The following CCDC17 variants were observed in gnomAD, a reference collection of about 807,000 sequenced individuals.
The protein encoded by CCDC17 is coiled-coil domain containing 17.
CCDC17 carries 79 observed loss-of-function variants against 68.0 expected under a neutral mutation model. The observed-to-expected ratio is 1.16, with a 90% CI of 0.97 to 1.40. CCDC17 has a LOEUF of 1.40. Among genes scored for constraint, CCDC17 ranks in the 40% most tolerant of loss-of-function variants. The pLI, the probability that CCDC17 is intolerant of heterozygous loss-of-function variation, is 0.00. For missense variants in CCDC17, 846 were observed against 811.5 expected, an observed-to-expected ratio of 1.04 and a Z score of -0.52; for synonymous variants, 376 against 337.5, an observed-to-expected ratio of 1.11 and a Z score of -1.25.
In CCDC17 at chr1:45,621,994, C is replaced by T; in HGVS notation, c.969G>A (p.Gly323=). The change falls in exon 8 of 13, where the codon GGG becomes GGA. Residue 323 remains glycine, a splice_region_variant and synonymous_variant. Coordinates refer to ENST00000528266, the MANE Select transcript of CCDC17 (RefSeq NM_001114938.3). Reference sequence around the variant, plus strand: ...CCCCCAGGAGTCGCAGATCCTGGGGCCCTAGGAGCAGAAGAGTTAGGGTGC... The same window carrying T: ...CCCCCAGGAGTCGCAGATCCTGGGGTCCTAGGAGCAGAAGAGTTAGGGTGC... ...LQMQRGRAPL[G]PQDLRLLGDA... 1 of 1,603,014 alleles carries T rather than the reference C, an allele frequency of 6.2e-7. No individual in the cohort carries two copies. Among genetic ancestry groups the T allele is most frequent in the Non-Finnish European group, 8.5e-7 (1 of 1,175,338 alleles).
Position 45,623,842 on chromosome 1 carries a change from G to T in CCDC17, c.68C>A (p.Ser23Ter), listed in dbSNP as rs1330952704. The T allele has an allele frequency of 1.3e-6, 2 of 1,551,076 alleles. No homozygotes were observed. Residue 23 changes from serine to a stop codon, truncating the protein, a stop_gained, in exon 1 of 13, where the codon TCA becomes TAA. Transcript: ENST00000528266. LOFTEE classifies it high-confidence loss of function. The part of the protein sequence containing the change: ...CGTCDMVFRS[S>*]ALLATHTQRF... ...CTGAGTATGGGTGGCTAACAGAGCTGAGGAGCGGAAAACCATGTCACAGGT... is the reference window on the plus strand; with the variant it reads ...CTGAGTATGGGTGGCTAACAGAGCTTAGGAGCGGAAAACCATGTCACAGGT...
chr1:45,621,008 TAGTC>T lies in CCDC17; in HGVS notation c.1490_1493del (p.Gly497AspfsTer9). 6.2e-7 allele frequency: 1 copy of T among 1,613,888 alleles called. No homozygotes were observed. Among genetic ancestry groups the T allele is most frequent in the South Asian group, 1.1e-5 (1 of 91,060 alleles). On this transcript the variant is annotated frameshift_variant, in exon 11 of 13. Transcript: ENST00000528266. LOFTEE classifies it high-confidence loss of function. ...TTAGCACCCGCTGATCTTGGTCAAA[TAGTC>T]CAAGTGAGACCCAAGCCTTTGGCTG...
Position 45,623,932 on chromosome 1 carries a change from A to G in CCDC17, c.-23T>C. 6.9e-7 allele frequency: 1 copy of G among 1,451,122 alleles called. No individual in the cohort carries two copies. The highest frequency in any genetic ancestry group is 9.2e-7 in the Non-Finnish European group (1 of 1,088,590). 89.9% of individuals were successfully genotyped at this position (1,451,122 alleles called of 1,614,324 possible). A position where few individuals can be genotyped will look rare whatever the true frequency, so the allele number is the denominator to read the frequency against. ...CATGGGATGGGACCCGTTTCCTGAA[A>G]CCAGCCAAGACCTGCAGAAGGGATC... On this transcript the variant is annotated 5_prime_UTR_variant, in exon 1 of 13. Transcript: ENST00000528266.
At position 45,620,161 on chromosome 1, in the gene CCDC17, A is replaced by T. The variant is rs985504711; in HGVS notation, c.*114T>A. ...GGTTGGAACTGGTTTTCTGTACTCAACTGCTAGATGCTTCTAGACCCAATG... is the reference window on the plus strand; with the variant it reads ...GGTTGGAACTGGTTTTCTGTACTCATCTGCTAGATGCTTCTAGACCCAATG... On this transcript the variant is annotated 3_prime_UTR_variant, in exon 13 of 13. Coordinates refer to ENST00000528266, the MANE Select transcript of CCDC17 (RefSeq NM_001114938.3). 8.1e-7 allele frequency: 1 copy of T among 1,235,530 alleles called. No homozygotes were observed. The highest frequency in any genetic ancestry group is 2.8e-5 in the East Asian group (1 of 35,932). 76.5% of individuals were successfully genotyped at this position (1,235,530 alleles called of 1,614,324 possible).
intron 6 of CCDC17, 60 bp from the exon 7 acceptor site, chr1:45,622,408 G>A (rs1644299021): frequency 6.6e-7 from 1 of 1,523,518 alleles, no homozygotes; most frequent in Non-Finnish European, 8.9e-7. Context: ...GCGTCCGGCT[G>A]TGAGCAGCTC....
chr1:45,621,192 C>T, intron 10 of CCDC17, 79 bp from the exon 11 acceptor site: 2 of 1,558,488 alleles, frequency 1.3e-6, no homozygotes, highest in South Asian at 2.3e-5. Context: ...GAGCCAGCGG[C>T]CTCTGTATAC....
chr1:45,622,069 A>T, intron 7 of CCDC17, 74 bp from the exon 8 acceptor site: 1 of 1,458,120 alleles, frequency 6.9e-7, no homozygotes. Flanking sequence ...CTCCCCCAAG[A>T]GTTGGGCCCA....
In CCDC17 at chr1:45,622,841, T is replaced by C; in HGVS notation, c.657-7A>G. ...CCGGGAGCTCAGCGGGTTCCTGGGGTGGCAGGCGACGCGCAGGGAGACGGT... is the reference window on the plus strand; with the variant it reads ...CCGGGAGCTCAGCGGGTTCCTGGGGCGGCAGGCGACGCGCAGGGAGACGGT... On this transcript the variant is annotated splice_region_variant and splice_polypyrimidine_tract_variant and intron_variant, in intron 4 of 12. Transcript: ENST00000528266. 6.3e-7 allele frequency: 1 copy of C among 1,593,672 alleles called. No homozygotes were observed. The highest frequency in any genetic ancestry group is 1.1e-5 in the South Asian group (1 of 87,874).
rs375692959 is a variant in CCDC17, at chr1:45,622,938, G to A, written c.656+17C>T. The A allele has an allele frequency of 1.2e-5, 19 of 1,562,086 alleles. No individual in the cohort carries two copies. The highest frequency in any genetic ancestry group is 1.7e-5 in the Non-Finnish European group (19 of 1,145,892). On this transcript the variant is annotated intron_variant, in intron 4 of 12. Coordinates refer to ENST00000528266, the MANE Select transcript of CCDC17 (RefSeq NM_001114938.3). ...CCGGAGCCGCATGTTCCGGGGATCC[G>A]CTTAGTCGGGTCTCACCCTGGCTCC...
Position 45,623,207 on chromosome 1 carries a change from T to A in CCDC17, c.493+10A>T. 6.5e-7 allele frequency: 1 copy of A among 1,542,050 alleles called. No homozygotes were observed. The highest frequency in any genetic ancestry group is 8.7e-7 in the Non-Finnish European group (1 of 1,143,340). Reference sequence around the variant, plus strand: ...GGAGGTCCTTGGTCCCCGTCCCCCATCTCCTTCACCCTCGCCGCGTAGCTG... The same window carrying A: ...GGAGGTCCTTGGTCCCCGTCCCCCAACTCCTTCACCCTCGCCGCGTAGCTG... On this transcript the variant is annotated intron_variant, in intron 3 of 12. Transcript: ENST00000528266.
chr1:45,622,924 T>G, intron 4 of CCDC17, 31 bp downstream of exon 4: 1 of 1,283,640 alleles, frequency 7.8e-7, no homozygotes, highest in Non-Finnish European at 1.1e-6. Context: ...CGGAGCCGCA[T>G]GTTCCGGGGA....
rs761888569 is a variant in CCDC17 at position 45,623,145 on chromosome 1, C to A, written c.494-28G>T. ...GAGGGAATGCGGGCCGAGTCAGAAC[C>A]GGCCCGAGCAAGCTTAAGCCAAACG... On this transcript the variant is annotated intron_variant, in intron 3 of 12. Transcript: ENST00000528266. The A allele has an allele frequency of 7.8e-6, 12 of 1,539,148 alleles. No homozygotes were observed. In the African/African-American group the frequency reaches 1.1e-4, roughly 14 times the overall value.
chr1:45,622,718 C>T (rs1248271521), intron 5 of CCDC17, 33 bp downstream of exon 5: 4 of 1,562,346 alleles, frequency 2.6e-6, no homozygotes, highest in Non-Finnish European at 2.6e-6. Flanking sequence ...CTCAGCGCTT[C>T]GCCCTATGCC....
chr1:45,622,873 T>C, intron 4 of CCDC17, 39 bp from the exon 5 acceptor site: 2 of 1,577,062 alleles, frequency 1.3e-6, no homozygotes, highest in Non-Finnish European at 1.7e-6. Flanking sequence ...CGGTAACGCA[T>C]CAGAGGCCCC....
At position 45,622,828 on chromosome 1, in the gene CCDC17, C is replaced by G. The variant is rs1175647796; in HGVS notation, c.663G>C (p.Pro221=). Residue 221 remains proline (P), a synonymous_variant, in exon 5 of 13, where the codon CCG becomes CCC. Coordinates refer to ENST00000528266, the MANE Select transcript of CCDC17 (RefSeq NM_001114938.3). ...IQELQAEPGN[P]LSSRREAELY... is the part of the protein sequence containing the mutation. The stretch of plus-strand genomic sequence containing the variant: ...GTTCTGCCTCTCGCCGGGAGCTCAG[C>G]GGGTTCCTGGGGTGGCAGGCGACGC... 1.9e-6 allele frequency: 3 copies of G among 1,597,190 alleles called. No individual in the cohort carries two copies. Among genetic ancestry groups the G allele is most frequent in the Non-Finnish European group, 2.6e-6 (3 of 1,172,024 alleles).
rs1231052709 is a variant in CCDC17, at chr1:45,620,065, C to T, written c.*210G>A. On this transcript the variant is annotated 3_prime_UTR_variant, in exon 13 of 13. Transcript: ENST00000528266. Reference sequence around the variant, plus strand: ...CAAATACCTGACAAACTCATTTAATCCTTAATCTGTTTTACAAAAACAGAA... The same window carrying T: ...CAAATACCTGACAAACTCATTTAATTCTTAATCTGTTTTACAAAAACAGAA... 1 of 509,270 alleles carries T rather than the reference C, an allele frequency of 2.0e-6. No homozygotes were observed. The highest frequency in any genetic ancestry group is 3.4e-6 in the Non-Finnish European group (1 of 295,750). 31.5% of individuals were successfully genotyped at this position (509,270 alleles called of 1,614,324 possible). A position where few individuals can be genotyped will look rare whatever the true frequency, so the allele number is the denominator to read the frequency against.
intron 12 of CCDC17, 24 bp downstream of exon 12, chr1:45,620,699 C>T (rs1285402775): frequency 6.4e-7 from 1 of 1,572,120 alleles, no homozygotes; most frequent in Non-Finnish European, 8.6e-7. Flanking sequence ...GCTGTGGTGT[C>T]CCTAGCTGCA....
rs761284933 is a variant in CCDC17 at position 45,622,343 on chromosome 1, C to G, written c.865G>C (p.Ala289Pro). 6.2e-7 allele frequency: 1 copy of G among 1,604,682 alleles called. No individual in the cohort carries two copies. Among genetic ancestry groups the G allele is most frequent in the Non-Finnish European group, 8.5e-7 (1 of 1,177,212 alleles). The change falls in exon 7 of 13, where the codon GCA becomes CCA. Residue 289 changes from alanine (A) to proline (P), a missense_variant. Ala to Pro is a conservative substitution (Grantham distance 27). Transcript: ENST00000528266. ...GGAAGCTCCCCTGAGGTGGCACCTG[C>G]CCTTCCTGCGATGAACAAGTGTGAC... Reference protein sequence around the residue: ...LQRSQTRRGRAGATSGELPVV... With the variant: ...LQRSQTRRGRPGATSGELPVV...
chr1:45,624,019 G>T lies in CCDC17; in HGVS notation c.-110C>A, dbSNP rs1257367321. On this transcript the variant is annotated 5_prime_UTR_variant, in exon 1 of 13. Transcript: ENST00000528266. ...ATAAAGCCAGAGGCAGAGAGGAAAG[G>T]CCGTGTCTATTAGGTCTGTGAGATC... is the stretch of plus-strand genomic sequence containing the variant. The T allele has an allele frequency of 1.0e-5, 8 of 783,066 alleles. No homozygotes were observed. The highest frequency in any genetic ancestry group is 1.6e-5 in the Non-Finnish European group (8 of 493,936). The allele number at this position is 783,066 out of a possible 1,614,324, so 48.5% of individuals were successfully genotyped here.
Sources: gnomAD v4.1 joint callset for allele counts on GRCh38, gnomAD v4.1.1 for gene constraint, MANE v1.5 for transcripts, NCBI Gene and HGNC (gene_info 2026-07-23, HGNC 2026-07-21) for gene names.